The following BNIP2 variants were observed in gnomAD, a reference collection of about 807,000 sequenced individuals.
BNIP2 encodes the protein BCL2 interacting protein 2, also known as BCL2/adenovirus E1B 19 kDa protein-interacting protein 2.
A neutral mutation model predicts 43.4 loss-of-function variants in BNIP2; 36 were observed. The observed-to-expected ratio is 0.83, with a 90% CI of 0.64 to 1.10. BNIP2 has a LOEUF of 1.10. BNIP2 is among the 50% of genes least tolerant of loss of function. BNIP2 has a pLI of 0.00. For missense variants in BNIP2, 417 were observed against 374.1 expected (o/e 1.11, Z -0.95); for synonymous variants, 146 against 121.0 (o/e 1.21, Z -1.35).
chr15:59,676,468 C>T (rs1489501611), intron 5 of BNIP2, among the ~76,000 whole-genome samples: 3 of 152,120 alleles, frequency 2.0e-5, no homozygotes, highest in Admixed American at 1.3e-4. Flanking sequence ...GGATTACAAA[C>T]CTGAGCCACC....
chr15:59,689,206 C>T lies in BNIP2; in HGVS notation c.-129G>A, dbSNP rs1326805790. On this transcript the variant is annotated 5_prime_UTR_variant, in exon 1 of 10. Transcript: ENST00000607373. ...GGCGACGTGGGGCTGACGGCCAGGTCGCAAAAAGCAGGGCCGAGCGGAGCC... is the reference window on the plus strand; with the variant it reads ...GGCGACGTGGGGCTGACGGCCAGGTTGCAAAAAGCAGGGCCGAGCGGAGCC... The T allele has an allele frequency of 2.6e-6, 4 of 1,540,196 alleles. No homozygotes were observed. The Admixed American group carries it at 7.8e-5, about 30-fold the overall frequency.
In BNIP2 at chr15:59,678,042, G is replaced by A; in HGVS notation, c.341C>T (p.Ser114Leu). ...PKTTEVIRKG[S>L]ITEYTAAEEK... is the part of the protein sequence containing the mutation. ...CTCTGCTGCTGTGTATTCAGTAATT[G>A]AGCCTTTCCTAATTACTTCAGTAGT... Residue 114 changes from serine (S) to leucine (L), a missense_variant, in exon 5 of 10, where the codon TCA becomes TTA. Ser to Leu is a moderately radical substitution (Grantham distance 145, BLOSUM62 -2). Coordinates refer to ENST00000607373, the MANE Select transcript of BNIP2 (RefSeq NM_004330.4). 1.2e-6 allele frequency: 2 copies of A among 1,613,638 alleles called. No individual in the cohort carries two copies. Among genetic ancestry groups the A allele is most frequent in the Non-Finnish European group, 1.7e-6 (2 of 1,179,766 alleles).
In BNIP2 at chr15:59,659,867, G is replaced by T. The variant is rs1343121902; in HGVS notation, c.*4202C>A. ...AACATAAATAGGTCTATTATAAATA[G>T]TTGCAACATACTGTTATATTCAAAT... is the stretch of plus-strand genomic sequence containing the variant. On this transcript the variant is annotated 3_prime_UTR_variant, in exon 10 of 10. Coordinates refer to ENST00000607373, the MANE Select transcript of BNIP2 (RefSeq NM_004330.4). 6.6e-6 allele frequency: 1 copy of T among 152,066 alleles called. No individual in the cohort carries two copies. Among genetic ancestry groups the T allele is most frequent in the Non-Finnish European group, 1.5e-5 (1 of 68,004 alleles). The allele number at this position is 152,066 out of a possible 1,614,324, so 9.4% of individuals were successfully genotyped here.
chr15:59,681,609 C>A (rs763258422), intron 2 of BNIP2, among the ~76,000 whole-genome samples: 1 of 152,054 alleles, frequency 6.6e-6, no homozygotes, highest in Non-Finnish European at 1.5e-5. Context: ...CCAAGCCTGG[C>A]TAATTTTTTG....
At position 59,670,593 on chromosome 15, in the gene BNIP2, A is replaced by C. The variant is rs553308093; in HGVS notation, c.707+590T>G. 3.3e-5 allele frequency among the ~76,000 whole-genome samples: 5 copies of C among 152,352 alleles called. No homozygotes were observed. The East Asian group carries it at 9.6e-4, about 29-fold the overall frequency. On this transcript the variant is annotated intron_variant, in intron 7 of 9. Coordinates refer to ENST00000607373, the MANE Select transcript of BNIP2 (RefSeq NM_004330.4). ...TGGAGAAAATTGCATCTTATAAATA[A>C]GGAGAAAGTCTTCAATTAAATAAGG...
intron 4 of BNIP2, chr15:59,679,276 C>T (rs1208328657): frequency 4.9e-6 from 1 of 203,890 alleles, no homozygotes; most frequent in South Asian, 8.8e-5. Context: ...TTTCAGAACT[C>T]CCTTCCCACA....
Position 59,689,311 on chromosome 15 carries a change from C to G in BNIP2, c.-234G>C, listed in dbSNP as rs3087329. The G allele has an allele frequency of 8.4e-6, 13 of 1,547,290 alleles. No homozygotes were observed. Among genetic ancestry groups the G allele is most frequent in the Non-Finnish European group, 1.1e-5 (13 of 1,145,926 alleles). Reference sequence around the variant, plus strand: ...ACGGCGTCGGCGGCAGCAGCTGACCCGGACACAGTGAGAAGCCCCGGCGGA... The same window carrying G: ...ACGGCGTCGGCGGCAGCAGCTGACCGGGACACAGTGAGAAGCCCCGGCGGA... On this transcript the variant is annotated 5_prime_UTR_variant, in exon 1 of 10. Transcript: ENST00000607373.
In BNIP2 at chr15:59,672,855, TA is replaced by T. The variant is rs1294003850; in HGVS notation, c.473-117del. 3.0e-5 allele frequency: 20 copies of T among 661,110 alleles called. No individual in the cohort carries two copies. The South Asian group carries it at 4.2e-4, about 14-fold the overall frequency. 41.0% of individuals were successfully genotyped at this position (661,110 alleles called of 1,614,324 possible). A position where few individuals can be genotyped will look rare whatever the true frequency, so the allele number is the denominator to read the frequency against. ...AGAGTTTACTTTTCACAGATTTCTGTATTAAATGTATGTTTTGTAAATCTTA... is the reference window on the plus strand; with the variant it reads ...AGAGTTTACTTTTCACAGATTTCTGTTTAAATGTATGTTTTGTAAATCTTA... On this transcript the variant is annotated intron_variant, in intron 5 of 9. Transcript: ENST00000607373.
chr15:59,672,066 A>T (rs1401813017), intron 6 of BNIP2, among the ~76,000 whole-genome samples: 1 of 152,154 alleles, frequency 6.6e-6, no homozygotes, highest in African/African-American at 2.4e-5. Flanking sequence ...ACAGAGTGAA[A>T]CTCCATCTCA....
intron 7 of BNIP2, among the ~76,000 whole-genome samples, chr15:59,669,805 C>G (rs1209851290): frequency 6.6e-6 from 1 of 152,194 alleles, no homozygotes; most frequent in African/African-American, 2.4e-5. Context: ...CAAATCAGAT[C>G]TAACTCCTAT....
Position 59,688,593 on chromosome 15 carries a change from G to T in BNIP2, c.-58+542C>A, listed in dbSNP as rs1284636886. ...TTTTGCCAGGTATTTAAACAGAAAG[G>T]GTTGTGTCTAGATTCACGCGGGGAC... On this transcript the variant is annotated intron_variant, in intron 1 of 9. Coordinates refer to ENST00000607373, the MANE Select transcript of BNIP2 (RefSeq NM_004330.4). The T allele has an allele frequency of 5.9e-6, 6 of 1,009,278 alleles. No individual in the cohort carries two copies. The African/African-American group carries it at 8.1e-5, about 14-fold the overall frequency. The allele number at this position is 1,009,278 out of a possible 1,614,324, so 62.5% of individuals were successfully genotyped here.
chr15:59,688,670 CTAT>C, intron 1 of BNIP2: 3 of 1,519,932 alleles, frequency 2.0e-6, no homozygotes, highest in Non-Finnish European at 2.6e-6. Context: ...TAGGGAAGAT[CTAT>C]TAAAGCCCTG....
chr15:59,667,976 G>C (rs1566955740), intron 9 of BNIP2: 2 of 526,036 alleles, frequency 3.8e-6, no homozygotes, highest in Admixed American at 7.7e-5. Flanking sequence ...GTATTTGGAA[G>C]TTGGGGTACA....
intron 4 of BNIP2, 96 bp downstream of exon 4, chr15:59,679,496 G>T: frequency 1.5e-6 from 2 of 1,330,136 alleles, no homozygotes; most frequent in South Asian, 1.5e-5. Flanking sequence ...TCCTATCTTA[G>T]TAACAAATAT....
intron 9 of BNIP2, chr15:59,665,320 A>G (rs564970558): frequency 6.6e-6 from 1 of 151,580 alleles, no homozygotes; most frequent in African/African-American, 2.4e-5. Context: ...TCTAATATAA[A>G]TTAATTATTG....
rs189884343 is a variant in BNIP2 at position 59,671,686 on chromosome 15, G to T, written c.576-372C>A. On this transcript the variant is annotated intron_variant, in intron 6 of 9. Transcript: ENST00000607373. ...GTTTTTAAAAACTGCACTAACCTGA[G>T]AAATAGAATGACCTTGTGGAAAAAG... is the stretch of plus-strand genomic sequence containing the variant. 5.9e-5 allele frequency among the ~76,000 whole-genome samples: 9 copies of T among 152,262 alleles called. No homozygotes were observed. The East Asian group carries it at 1.5e-3, about 26-fold the overall frequency.
intron 2 of BNIP2, among the ~76,000 whole-genome samples, chr15:59,681,422 T>C (rs1893660720): frequency 6.6e-6 from 1 of 151,912 alleles, no homozygotes; most frequent in African/African-American, 2.4e-5. Flanking sequence ...TAAGGTTTTT[T>C]TTTTTTTGGT....
intron 6 of BNIP2, 32 bp downstream of exon 6, chr15:59,672,605 T>C: frequency 2.1e-6 from 3 of 1,411,824 alleles, no homozygotes; most frequent in Non-Finnish European, 2.9e-6. Context: ...CTCACAATTC[T>C]GTCCAAATGT....
intron 5 of BNIP2, chr15:59,677,025 T>C: frequency 6.2e-6 from 10 of 1,612,370 alleles, no homozygotes; most frequent in South Asian, 4.4e-5. Flanking sequence ...CAGGAGACTG[T>C]TAATCATTGA....
Sources: allele counts gnomAD v4.1 joint callset (sites outside exome capture counted in the v4.1 genomes callset), GRCh38; gene constraint gnomAD v4.1.1; transcripts MANE v1.5; gene names NCBI Gene and HGNC (gene_info 2026-07-23, HGNC 2026-07-21).